Variants in KSR2 observed in about 807,000 individuals in gnomAD.
The protein encoded by KSR2 is kinase suppressor of ras 2.
KSR2 carries 25 observed loss-of-function variants against 107.8 expected under a neutral mutation model. The observed-to-expected ratio is 0.23, with a 90% CI of 0.17 to 0.32. The LOEUF is 0.32. Ranked by LOEUF, KSR2 falls within the 10% of genes least tolerant of loss-of-function variation. The pLI, the probability that KSR2 is intolerant of heterozygous loss-of-function variation, is 1.00. For missense variants in KSR2, 887 were observed against 1,268.9 expected (o/e 0.70, Z 4.57); for synonymous variants, 480 against 507.0 (o/e 0.95, Z 0.71).
chr12:117,719,099 T>G (rs1007313433), intron 4 of KSR2, among the ~76,000 whole-genome samples: 2 of 152,248 alleles, frequency 1.3e-5, no homozygotes, highest in Non-Finnish European at 2.9e-5. Context: ...AAACTTTATT[T>G]GGCTCATACA....
At chr12:117,946,730 C>T (rs2137551844) in intron 1 of KSR2, among the ~76,000 whole-genome samples, 1 of 152,200 alleles carries the variant, frequency 6.6e-6, no homozygotes, top group African/African-American at 2.4e-5. Flanking sequence ...CAGCAAAATA[C>T]TAACAAATTA....
chr12:117,955,561 T>C (rs984211016), intron 1 of KSR2, among the ~76,000 whole-genome samples: 5 of 152,310 alleles, frequency 3.3e-5, no homozygotes, highest in African/African-American at 7.2e-5. Context: ...CTAGTCTATA[T>C]TGCTTAAAGC....
chr12:117,699,860 C>T (rs191224587), intron 4 of KSR2, among the ~76,000 whole-genome samples: 3 of 152,122 alleles, frequency 2.0e-5, no homozygotes, highest in Non-Finnish European at 2.9e-5. Context: ...AATTTTTCAG[C>T]TTCATTATAA....
intron 3 of KSR2, among the ~76,000 whole-genome samples, chr12:117,821,998 G>T (rs946786617): frequency 7.9e-5 from 12 of 152,162 alleles, no homozygotes; most frequent in African/African-American, 2.9e-4. Context: ...GATAAAACAG[G>T]TTGCAGTAAA....
chr12:117,844,504 A>T (rs1355781156), intron 3 of KSR2, among the ~76,000 whole-genome samples: 1 of 150,882 alleles, frequency 6.6e-6, no homozygotes, highest in Admixed American at 6.6e-5. Flanking sequence ...TTAACTCACA[A>T]GTTTTTTAAA....
intron 14 of KSR2, among the ~76,000 whole-genome samples, chr12:117,509,896 G>T (rs1289878497): frequency 2.0e-5 from 3 of 152,188 alleles, no homozygotes; most frequent in Non-Finnish European, 4.4e-5. Flanking sequence ...TAAAGCAAGA[G>T]TGACTTCTCA....
intron 3 of KSR2, among the ~76,000 whole-genome samples, chr12:117,819,300 C>T (rs1163913943): frequency 6.6e-6 from 1 of 152,198 alleles, no homozygotes; most frequent in Non-Finnish European, 1.5e-5. Context: ...ACACACCCAG[C>T]AGAGTTTAGT....
At chr12:117,539,194 T>C (rs561715849) in intron 10 of KSR2, among the ~76,000 whole-genome samples, 1 of 152,348 alleles carries the variant, frequency 6.6e-6, no homozygotes, top group East Asian at 1.9e-4. Context: ...GCAATAGACC[T>C]GGATCTTGAC....
chr12:117,499,509 C>T (rs1873248602), intron 14 of KSR2, among the ~76,000 whole-genome samples: 1 of 152,174 alleles, frequency 6.6e-6, no homozygotes, highest in African/African-American at 2.4e-5. Flanking sequence ...CGGTGGGGAA[C>T]TGAAATGAGA....
chr12:117,628,375 G>A (rs1056134124), intron 5 of KSR2, among the ~76,000 whole-genome samples: 1 of 152,148 alleles, frequency 6.6e-6, no homozygotes, highest in Non-Finnish European at 1.5e-5. Flanking sequence ...CCTACAGATG[G>A]GGTTTTGGTG....
chr12:117,811,562 A>T, intron 3 of KSR2, among the ~76,000 whole-genome samples: 1 of 152,214 alleles, frequency 6.6e-6, no homozygotes, highest in East Asian at 1.9e-4. Context: ...ACTGCTTCCC[A>T]TTAAGACAGG....
intron 16 of KSR2, among the ~76,000 whole-genome samples, chr12:117,480,443 A>T (rs1285400713): frequency 6.6e-6 from 1 of 152,108 alleles, no homozygotes; most frequent in African/African-American, 2.4e-5. Flanking sequence ...GGTTATTATG[A>T]TTAATAACAG....
intron 4 of KSR2, among the ~76,000 whole-genome samples, chr12:117,710,110 G>A (rs1350158838): frequency 6.6e-6 from 1 of 152,006 alleles, no homozygotes; most frequent in Non-Finnish European, 1.5e-5. Flanking sequence ...ATATTGAATC[G>A]AGCCCTGAAT....
intron 1 of KSR2, among the ~76,000 whole-genome samples, chr12:117,955,961 T>C (rs1344550970): frequency 6.6e-6 from 1 of 151,882 alleles, no homozygotes; most frequent in Non-Finnish European, 1.5e-5. Context: ...ATAAAAATTA[T>C]CAAGGCCAGC....
chr12:117,550,469 G>T (rs1592982853), intron 9 of KSR2, among the ~76,000 whole-genome samples: 1 of 152,132 alleles, frequency 6.6e-6, no homozygotes. Flanking sequence ...AGACACACTT[G>T]TCTTATGACC....
At chr12:117,617,857 A>G (rs953119501) in intron 5 of KSR2, among the ~76,000 whole-genome samples, 1 of 152,230 alleles carries the variant, frequency 6.6e-6, no homozygotes, top group African/African-American at 2.4e-5. Context: ...TAAAAAACCC[A>G]GATTAAACCT....
intron 4 of KSR2, among the ~76,000 whole-genome samples, chr12:117,730,712 G>A (rs1014765338): frequency 6.6e-6 from 1 of 152,230 alleles, no homozygotes; most frequent in Admixed American, 6.5e-5. Flanking sequence ...GTTTCGCTGT[G>A]TTGGCCAGGC....
rs368917142 is a variant in KSR2 at position 117,664,146 on chromosome 12, C to T, written c.1171+3328G>A. ...AGCGAAGGCTCCTGCCATTCCCCTCCCTCCCTTTCCCCACTCACCACTCCC... is the reference window on the plus strand; with the variant it reads ...AGCGAAGGCTCCTGCCATTCCCCTCTCTCCCTTTCCCCACTCACCACTCCC... On this transcript the variant is annotated intron_variant, in intron 5 of 19. Transcript: ENST00000339824. Among the ~76,000 whole-genome samples, 68 of 152,290 alleles carry T rather than the reference C, an allele frequency of 4.5e-4. 1 individual carries two copies. In the South Asian group the frequency reaches 6.2e-3, roughly 14 times the overall value.
rs191049047 is a variant in KSR2 at position 117,783,386 on chromosome 12, C to T, written c.473-21862G>A. Among the ~76,000 whole-genome samples, 191 of 152,272 alleles carry T rather than the reference C, an allele frequency of 1.3e-3. 1 individual carries two copies. Among genetic ancestry groups the T allele is most frequent in the African/African-American group, 4.3e-3 (178 of 41,552 alleles). On this transcript the variant is annotated intron_variant, in intron 3 of 19. Coordinates refer to ENST00000339824, the MANE Select transcript of KSR2 (RefSeq NM_173598.6). ...CACGACAACAGCAATCGGGTGAGGG[C>T]TTAGATCCTGATTCACTTATCAGAG...
Sources: allele counts gnomAD v4.1 joint callset (sites outside exome capture counted in the v4.1 genomes callset), GRCh38; gene constraint gnomAD v4.1.1; transcripts MANE v1.5; gene names NCBI Gene and HGNC (gene_info 2026-07-23, HGNC 2026-07-21).